SPEF2: variants seen among roughly 807,000 people sequenced by gnomAD.
SPEF2 encodes sperm flagellar and cilia associated 2.
SPEF2 carries 187 observed loss-of-function variants against 224.6 expected under a neutral mutation model. That is an observed-to-expected ratio of 0.83 (90% CI 0.74 to 0.94). The LOEUF is 0.94. Ranked by LOEUF, SPEF2 falls within the 40% of genes least tolerant of loss-of-function variation. SPEF2 has a pLI of 0.00. For missense variants in SPEF2, 2,170 were observed against 2,135.6 expected, an observed-to-expected ratio of 1.02 and a Z score of -0.32; for synonymous variants, 715 against 707.3, an observed-to-expected ratio of 1.01 and a Z score of -0.17.
At chr5:35,786,086 C>A (rs1580729256) in intron 30 of SPEF2, among the ~76,000 whole-genome samples, 1 of 152,260 alleles carries the variant, frequency 6.6e-6, no homozygotes, top group East Asian at 1.9e-4. Context: ...TGAATGTGTA[C>A]CCTCTGTCTC....
chr5:35,671,102 A>G, intron 10 of SPEF2: 3 of 985,396 alleles, frequency 3.0e-6, no homozygotes, highest in Non-Finnish European at 3.6e-6. Context: ...AAATTACAAA[A>G]TGAGTCCCGG....
intron 25 of SPEF2, among the ~76,000 whole-genome samples, chr5:35,762,210 A>G (rs1751384422): frequency 6.6e-6 from 1 of 152,182 alleles, no homozygotes; most frequent in Non-Finnish European, 1.5e-5. Context: ...TATACCTACT[A>G]ATAGTGAGAG....
chr5:35,697,885 TATCTC>T (rs1265071956), intron 15 of SPEF2, 92 bp downstream of exon 15: 2 of 860,740 alleles, frequency 2.3e-6, no homozygotes, highest in Non-Finnish European at 3.5e-6. Flanking sequence ...TTTGTTGTAA[TATCTC>T]ATACATTTCA....
rs1750941514 is a variant in SPEF2, at chr5:35,759,642, A to T, written c.3543A>T (p.Pro1181=). ...DYYWGMESKI[P]VEDNKRFTRI... ...ACTGGGGAATGGAAAGTAAAATCCC[A>T]GTAGAGGACAACAAGAGATTTACTC... Residue 1181 remains proline (P), a synonymous_variant, in exon 25 of 37, where the codon CCA becomes CCT. Coordinates refer to ENST00000356031, the MANE Select transcript of SPEF2 (RefSeq NM_024867.4). 1.2e-6 allele frequency: 2 copies of T among 1,612,428 alleles called. No homozygotes were observed. Among genetic ancestry groups the T allele is most frequent in the Non-Finnish European group, 1.7e-6 (2 of 1,178,954 alleles).
chr5:35,723,462 A>T (rs1744132497), intron 20 of SPEF2, among the ~76,000 whole-genome samples: 1 of 152,130 alleles, frequency 6.6e-6, no homozygotes, highest in African/African-American at 2.4e-5. Context: ...ATGATCACTA[A>T]CATTTGAGAA....
At chr5:35,700,454 G>T (rs1462757208) in intron 15 of SPEF2, 42 bp from the exon 16 acceptor site, 1 of 1,560,410 alleles carries the variant, frequency 6.4e-7, no homozygotes, top group Non-Finnish European at 8.7e-7. Flanking sequence ...CAAAGTACTT[G>T]TGTCTAACAA....
chr5:35,623,690 T>C (rs1743829154), intron 1 of SPEF2, among the ~76,000 whole-genome samples: 2 of 152,198 alleles, frequency 1.3e-5, no homozygotes, highest in Non-Finnish European at 1.5e-5. Flanking sequence ...GACCTGTATA[T>C]GAATGCCAGG....
intron 19 of SPEF2, chr5:35,710,624 A>G (rs761804277): frequency 4.9e-5 from 48 of 985,012 alleles, no homozygotes; most frequent in Non-Finnish European, 5.4e-5. Flanking sequence ...GCCTAGAATT[A>G]TCGAATATCG....
intron 20 of SPEF2, among the ~76,000 whole-genome samples, chr5:35,713,373 C>G (rs931000133): frequency 2.6e-5 from 4 of 152,072 alleles, no homozygotes; most frequent in Admixed American, 2.6e-4. Context: ...TAGTGGAACT[C>G]TTGAAGTTTT....
At chr5:35,727,918 A>C (rs781573476) in intron 21 of SPEF2, 95 bp downstream of exon 21, 7 of 1,307,462 alleles carry the variant, frequency 5.4e-6, no homozygotes, top group Non-Finnish European at 7.4e-6. Context: ...AAGGCCTTTT[A>C]CAGCAGGTAA....
At chr5:35,780,668 T>C (rs1754216185) in intron 30 of SPEF2, among the ~76,000 whole-genome samples, 1 of 152,176 alleles carries the variant, frequency 6.6e-6, no homozygotes, top group South Asian at 2.1e-4. Context: ...TCAGAGTTGC[T>C]TTTTCTCTTC....
chr5:35,679,362 G>C (rs958790939), intron 10 of SPEF2, among the ~76,000 whole-genome samples: 1 of 152,122 alleles, frequency 6.6e-6, no homozygotes, highest in Non-Finnish European at 1.5e-5. Flanking sequence ...AGTCCTTTGA[G>C]CATGCCAATG....
chr5:35,658,648 C>T (rs754236510), intron 7 of SPEF2, among the ~76,000 whole-genome samples: 1 of 151,350 alleles, frequency 6.6e-6, no homozygotes, highest in Admixed American at 6.6e-5. Context: ...TAGGTAAACT[C>T]GTGTTACAGG....
rs1580178936 is a variant in SPEF2 at position 35,664,762 on chromosome 5, A to C, written c.1168-2310A>C. 2.4e-5 allele frequency among the ~76,000 whole-genome samples: 3 copies of C among 124,362 alleles called. No individual in the cohort carries two copies. The South Asian group carries it at 9.5e-4, about 39-fold the overall frequency. The allele number at this position is 124,362 out of a possible 152,430, so 81.6% of individuals were successfully genotyped here. ...AGGGAGAGAGAGAGAGGAAGGAAGG[A>C]GGAGAGAGAGAGAGAGAGAAAGAGG... is the stretch of plus-strand genomic sequence containing the variant. On this transcript the variant is annotated intron_variant, in intron 8 of 36. Coordinates refer to ENST00000356031, the MANE Select transcript of SPEF2 (RefSeq NM_024867.4).
intron 20 of SPEF2, among the ~76,000 whole-genome samples, chr5:35,720,981 A>G (rs1041504394): frequency 6.6e-6 from 1 of 152,216 alleles, no homozygotes; most frequent in Non-Finnish European, 1.5e-5. Context: ...TGCCAAAATG[A>G]TGACTCAGAA....
intron 2 of SPEF2, among the ~76,000 whole-genome samples, chr5:35,629,002 T>C (rs1218561497): frequency 6.6e-6 from 1 of 152,088 alleles, no homozygotes; most frequent in East Asian, 1.9e-4. Context: ...AGCAGACCAT[T>C]GATATGGAAA....
At chr5:35,772,250 T>G (rs564417117) in intron 27 of SPEF2, among the ~76,000 whole-genome samples, 2 of 152,224 alleles carry the variant, frequency 1.3e-5, no homozygotes, top group East Asian at 3.9e-4. Context: ...TAGGAATGAA[T>G]AGCTTTGGCA....
rs1749747882 is a variant in SPEF2, at chr5:35,661,495, G to A, written c.1167+2288G>A. On this transcript the variant is annotated intron_variant, in intron 8 of 36. Coordinates refer to ENST00000356031, the MANE Select transcript of SPEF2 (RefSeq NM_024867.4). The stretch of plus-strand genomic sequence containing the variant: ...ACATAGGTAAATGTGTGTCATGGGG[G>A]TTTGTTGTACAGATTATTTCATCAC... Among the ~76,000 whole-genome samples, 3 of 151,544 alleles carry A rather than the reference G, an allele frequency of 2.0e-5. No homozygotes were observed. In the South Asian group the frequency reaches 6.2e-4, roughly 32 times the overall value.
At chr5:35,800,243 T>G (rs1047918958) in intron 34 of SPEF2, 96 bp downstream of exon 34, 1 of 1,343,666 alleles carries the variant, frequency 7.4e-7, no homozygotes, top group Admixed American at 2.4e-5. Context: ...TTCATCTCCG[T>G]ATTTTCCTAG....
Sources: gnomAD v4.1 joint callset for allele counts (sites outside exome capture counted in the v4.1 genomes callset) on GRCh38, gnomAD v4.1.1 for gene constraint, MANE v1.5 for transcripts, NCBI Gene and HGNC (gene_info 2026-07-23, HGNC 2026-07-21) for gene names.